CLU: variants seen among roughly 807,000 people sequenced by gnomAD.
The protein encoded by CLU is aging-associated protein 4.
A neutral mutation model predicts 46.4 loss-of-function variants in CLU; 25 were observed. The ratio of observed to expected loss-of-function variants is 0.54; its 90% CI spans 0.39 to 0.75. CLU has a LOEUF of 0.75. Among genes scored for constraint, CLU ranks in the 30% least tolerant of loss-of-function variants. The pLI is 0.00. For synonymous variants in CLU, 235 were observed against 235.1 expected, an observed-to-expected ratio of 1.00 and a Z score of 0.00; for missense variants, 504 against 592.1, an observed-to-expected ratio of 0.85 and a Z score of 1.54.
In CLU at chr8:27,598,512, A is replaced by G; in HGVS notation, c.1288T>C (p.Phe430Leu). The G allele has an allele frequency of 6.2e-7, 1 of 1,614,104 alleles. No individual in the cohort carries two copies. Among genetic ancestry groups the G allele is most frequent in the Non-Finnish European group, 8.5e-7 (1 of 1,180,030 alleles). The change falls in exon 8 of 9, where the codon TTT (phenylalanine) becomes CTT (leucine). Residue 430 changes from phenylalanine (F) to leucine (L), a missense_variant. Physicochemically the swap from Phe to Leu is conservative, Grantham distance 22 (BLOSUM62 0). This residue lies in a region of CLU where 428 missense variants were observed against 484.0 expected (regional missense o/e 0.88). Transcript: ENST00000316403. The part of the protein sequence containing the change: ...PVEVSRKNPK[F>L]METVAEKALQ... ...GCTTTCTCCGCCACGGTCTCCATAA[A>G]TTTAGGGTTCTTCCTGGAGACTTCT...
Position 27,598,232 on chromosome 8 carries a change from A to G in CLU, c.*9T>C, listed in dbSNP as rs200244739. On this transcript the variant is annotated 3_prime_UTR_variant, in exon 9 of 9. Coordinates refer to ENST00000316403, the MANE Select transcript of CLU (RefSeq NM_001831.4). ...ATGCCCCCGTAGGTGCAAAAGCAAC[A>G]TCCACATCTCACTCCTCCCTGAAAT... 1.3e-4 allele frequency: 203 copies of G among 1,613,972 alleles called. No homozygotes were observed. The highest frequency in any genetic ancestry group is 1.7e-4 in the Non-Finnish European group (198 of 1,179,922).
intron 1 of CLU, 30 bp from the exon 2 acceptor site, chr8:27,610,630 C>G: frequency 6.4e-7 from 1 of 1,552,292 alleles, no homozygotes. Flanking sequence ...ATCATGGGAA[C>G]AGCTAGACAG....
At chr8:27,604,190 CT>C in intron 6 of CLU, 100 bp downstream of exon 6, 1 of 929,050 alleles carries the variant, frequency 1.1e-6, no homozygotes, top group Non-Finnish European at 1.7e-6. Flanking sequence ...AATCCAAACG[CT>C]TATCTGTCTG....
rs1800672505 is a variant in CLU, at chr8:27,599,212, T to G, written c.1164+568A>C. Reference sequence around the variant, plus strand: ...ACAAGTGTGTGCCACCACACCTGACTGATTTTTGTATTTTTTGTAGAGAGG... The same window carrying G: ...ACAAGTGTGTGCCACCACACCTGACGGATTTTTGTATTTTTTGTAGAGAGG... On this transcript the variant is annotated intron_variant, in intron 7 of 8. Coordinates refer to ENST00000316403, the MANE Select transcript of CLU (RefSeq NM_001831.4). The surrounding 1 kb of genome is among the most constrained non-coding windows in gnomAD (Gnocchi z 4.0). The G allele has an allele frequency of 6.1e-6, 1 of 163,490 alleles. No homozygotes were observed. Among genetic ancestry groups the G allele is most frequent in the Non-Finnish European group, 1.3e-5 (1 of 75,020 alleles). The allele number at this position is 163,490 out of a possible 1,614,324, so 10.1% of individuals were successfully genotyped here.
At position 27,598,046 on chromosome 8, in the gene CLU, G is replaced by A. The variant is rs1364462061; in HGVS notation, c.*195C>T. On this transcript the variant is annotated 3_prime_UTR_variant, in exon 9 of 9. Coordinates refer to ENST00000316403, the MANE Select transcript of CLU (RefSeq NM_001831.4). ...ATTAGTTGCATGCAGGAGCAATTCT[G>A]TTCTTCCCATGAGCAGCAGAGTCGA... 2 of 706,898 alleles carry A rather than the reference G, an allele frequency of 2.8e-6. No homozygotes were observed. Among genetic ancestry groups the A allele is most frequent in the African/African-American group, 1.8e-5 (1 of 57,130 alleles). 43.8% of individuals were successfully genotyped at this position (706,898 alleles called of 1,614,324 possible). A position where few individuals can be genotyped will look rare whatever the true frequency, so the allele number is the denominator to read the frequency against.
intron 4 of CLU, among the ~76,000 whole-genome samples, chr8:27,605,669 A>T (rs1800809654): frequency 6.6e-6 from 1 of 152,214 alleles, no homozygotes; most frequent in Non-Finnish European, 1.5e-5. Context: ...GACTTCAGGG[A>T]TTGGAGCAAT....
At chr8:27,604,535 C>T (rs2128908904) in intron 5 of CLU, 140 bp from the exon 6 acceptor site, 2 of 783,778 alleles carry the variant, frequency 2.6e-6, no homozygotes, top group South Asian at 1.5e-5. Context: ...TGCAATGGTG[C>T]AATCATAGCT....
intron 4 of CLU, 50 bp from the exon 5 acceptor site, chr8:27,605,385 G>A: frequency 6.3e-7 from 1 of 1,591,304 alleles, no homozygotes; most frequent in Non-Finnish European, 8.6e-7. Context: ...CAAGGCCACG[G>A]CCTCCTGGCC....
intron 1 of CLU, chr8:27,611,308 G>A (rs1024806780): frequency 4.4e-6 from 2 of 455,042 alleles, no homozygotes; most frequent in Non-Finnish European, 8.8e-6. Context: ...GAGAGGGTTC[G>A]CAGTGGCCCG....
At chr8:27,603,874 C>G (rs1585252911) in intron 6 of CLU, among the ~76,000 whole-genome samples, 1 of 152,284 alleles carries the variant, frequency 6.6e-6, no homozygotes, top group South Asian at 2.1e-4. Flanking sequence ...TGCCTGGCCT[C>G]TGGTCAGTTT....
chr8:27,614,326 G>A (rs1435677296), intron 1 of CLU: 1 of 211,096 alleles, frequency 4.7e-6, no homozygotes, highest in Non-Finnish European at 9.5e-6. Flanking sequence ...CTGCTAGCCT[G>A]GGTCTCCCGC....
intron 2 of CLU, among the ~76,000 whole-genome samples, chr8:27,609,750 G>T (rs1359247873): frequency 6.6e-6 from 1 of 152,176 alleles, no homozygotes; most frequent in East Asian, 1.9e-4. Flanking sequence ...GTGTTCATCA[G>T]GTAGGAGGAG....
chr8:27,596,941 A>C lies in CLU; in HGVS notation c.*1300T>G. The C allele has an allele frequency of 2.2e-6, 1 of 452,640 alleles. No homozygotes were observed. The highest frequency in any genetic ancestry group is 1.6e-5 in the South Asian group (1 of 64,372). The allele number at this position is 452,640 out of a possible 1,614,324, so 28.0% of individuals were successfully genotyped here. Reference sequence around the variant, plus strand: ...GTAACTTTTGAAACAGTGTGACATTAATGTGACAATGTGACATATACTTTA... The same window carrying C: ...GTAACTTTTGAAACAGTGTGACATTCATGTGACAATGTGACATATACTTTA... On this transcript the variant is annotated 3_prime_UTR_variant, in exon 9 of 9. Transcript: ENST00000316403.
rs371136657 is a variant in CLU, at chr8:27,598,599, C to T, written c.1201G>A (p.Gly401Ser). 136 of 1,613,994 alleles carry T rather than the reference C, an allele frequency of 8.4e-5. No homozygotes were observed. Among genetic ancestry groups the T allele is most frequent in the Non-Finnish European group, 1.0e-4 (120 of 1,180,034 alleles). The change falls in exon 8 of 9, where the codon GGT (glycine) becomes AGT (serine). Residue 401 changes from glycine to serine, a missense_variant. Transcript: ENST00000316403. ...AGCTTCACGACCACCTCAGTGACAC[C>T]GGAAGGAACGTCCGAGTCAGAAGTG... is the stretch of plus-strand genomic sequence containing the variant. ...SHTSDSDVPS[G>S]VTEVVVKLFD...
intron 6 of CLU, among the ~76,000 whole-genome samples, chr8:27,600,423 C>T (rs1243656359): frequency 3.3e-5 from 5 of 151,972 alleles, no homozygotes; most frequent in Admixed American, 2.6e-4. Context: ...TTTGTAGACA[C>T]GGGGTTTCTC....
In CLU at chr8:27,604,280, C is replaced by T. The variant is rs767953371; in HGVS notation, c.934+11G>A. ...CAGGGGGGACGGCTTGTGGTCTGGA[C>T]CCCGACTCACCCACAGACAAGATCT... On this transcript the variant is annotated intron_variant, in intron 6 of 8. Transcript: ENST00000316403. The T allele has an allele frequency of 1.2e-6, 2 of 1,610,820 alleles. No individual in the cohort carries two copies. The highest frequency in any genetic ancestry group is 2.2e-5 in the East Asian group (1 of 44,860).
At position 27,597,378 on chromosome 8, in the gene CLU, CG is replaced by C. The variant is rs1345405900; in HGVS notation, c.*862del. 1 of 454,462 alleles carries C rather than the reference CG, an allele frequency of 2.2e-6. No individual in the cohort carries two copies. Among genetic ancestry groups the C allele is most frequent in the Admixed American group, 2.3e-5 (1 of 42,570 alleles). 28.2% of individuals were successfully genotyped at this position (454,462 alleles called of 1,614,324 possible). On this transcript the variant is annotated 3_prime_UTR_variant, in exon 9 of 9. Transcript: ENST00000316403. Reference sequence around the variant, plus strand: ...CCCAGCTATGGTTCAGACTAAAAGCCGAGAAACGCCTGTGGTCCAGGGAAAG... The same window carrying C: ...CCCAGCTATGGTTCAGACTAAAAGCCAGAAACGCCTGTGGTCCAGGGAAAG...
chr8:27,608,287 T>C (rs1041572397), intron 3 of CLU, among the ~76,000 whole-genome samples: 2 of 152,224 alleles, frequency 1.3e-5, no homozygotes, highest in African/African-American at 4.8e-5. Context: ...CTCAGAGCCT[T>C]TGAAATGCTT....
chr8:27,604,375 C>T lies in CLU; in HGVS notation c.850G>A (p.Val284Met), dbSNP rs758508760. The T allele has an allele frequency of 3.7e-6, 6 of 1,614,214 alleles. No individual in the cohort carries two copies. Among genetic ancestry groups the T allele is most frequent in the Non-Finnish European group, 5.1e-6 (6 of 1,180,030 alleles). Reference protein sequence around the residue: ...FIREGDDDRTVCREIRHNSTG... With the variant: ...FIREGDDDRTMCREIRHNSTG... ...GAGTTGTGGCGGATCTCCCGGCACA[C>T]AGTCCGGTCATCGTCGCCTTCTGGG... The change falls in exon 6 of 9, where the codon GTG becomes ATG. Residue 284 changes from valine (V) to methionine (M), a missense_variant. Physicochemically the swap from Val to Met is conservative, Grantham distance 21. Transcript: ENST00000316403.
Sources: gnomAD v4.1 joint callset for allele counts (sites outside exome capture counted in the v4.1 genomes callset) on GRCh38, gnomAD v4.1.1 for gene constraint, gnomAD v4.1.1 regional missense constraint, Gnocchi (gnomAD v3.1) non-coding constraint, MANE v1.5 for transcripts, NCBI Gene and HGNC (gene_info 2026-07-23, HGNC 2026-07-21) for gene names.